Variants in GRID2 observed in about 807,000 individuals in gnomAD.
GRID2 encodes glutamate receptor ionotropic, delta-2.
In GRID2, 33 loss-of-function variants were observed where a neutral mutation model predicts 114.8. The ratio of observed to expected loss-of-function variants is 0.29; its 90% CI spans 0.22 to 0.38. The LOEUF is 0.38. Among genes scored for constraint, GRID2 ranks in the 10% least tolerant of loss-of-function variants. GRID2 has a pLI of 1.00. For missense variants in GRID2, 1,184 were observed against 1,257.7 expected, an observed-to-expected ratio of 0.94 and a Z score of 0.89; for synonymous variants, 505 against 449.9, an observed-to-expected ratio of 1.12 and a Z score of -1.55.
At chr4:92,886,663 TCG>T (rs1468148217) in intron 2 of GRID2, among the ~76,000 whole-genome samples, 1 of 152,186 alleles carries the variant, frequency 6.6e-6, no homozygotes, top group Non-Finnish European at 1.5e-5. Flanking sequence ...TCTCGCTCTT[TCG>T]CCCAGGCTGG....
At chr4:93,595,494 A>G (rs750503680) in intron 13 of GRID2, among the ~76,000 whole-genome samples, 6 of 152,288 alleles carry the variant, frequency 3.9e-5, no homozygotes, top group Non-Finnish European at 8.8e-5. Flanking sequence ...TGGGAATAAT[A>G]CCTACTCATG....
At chr4:92,950,070 A>G (rs1264014245) in intron 2 of GRID2, among the ~76,000 whole-genome samples, 2 of 152,294 alleles carry the variant, frequency 1.3e-5, no homozygotes, top group Admixed American at 6.5e-5. Context: ...GATGTAGCAA[A>G]GTTTGGCTTT....
chr4:92,574,257 C>T (rs901983679), intron 1 of GRID2, among the ~76,000 whole-genome samples: 1 of 151,982 alleles, frequency 6.6e-6, no homozygotes, highest in Non-Finnish European at 1.5e-5. Flanking sequence ...GCTTGCCATT[C>T]TTTGTCTTTT....
chr4:93,155,214 T>G (rs1737068381), intron 4 of GRID2, among the ~76,000 whole-genome samples: 1 of 151,996 alleles, frequency 6.6e-6, no homozygotes. Flanking sequence ...CCAAGTTTTC[T>G]TAATTCTGCT....
At chr4:93,217,618 A>G (rs2149484086) in intron 6 of GRID2, among the ~76,000 whole-genome samples, 1 of 152,040 alleles carries the variant, frequency 6.6e-6, no homozygotes, top group South Asian at 2.1e-4. Flanking sequence ...GTGTTACACA[A>G]AGCAGGCACA....
At chr4:92,644,905 C>T (rs1336184243) in intron 2 of GRID2, among the ~76,000 whole-genome samples, 1 of 151,118 alleles carries the variant, frequency 6.6e-6, no homozygotes, top group Non-Finnish European at 1.5e-5. Context: ...GTAATTATTT[C>T]CCTTTATCTC....
intron 2 of GRID2, among the ~76,000 whole-genome samples, chr4:92,906,486 A>G (rs555096040): frequency 2.9e-5 from 4 of 140,044 alleles, no homozygotes; most frequent in Non-Finnish European, 4.8e-5. Context: ...TCAGGCTTAT[A>G]CTTAAATCTG....
chr4:92,850,930 A>G lies in GRID2; in HGVS notation c.245-234065A>G, dbSNP rs576831308. On this transcript the variant is annotated intron_variant, in intron 2 of 15. Coordinates refer to ENST00000282020, the MANE Select transcript of GRID2 (RefSeq NM_001510.4). ...TAATGGCTTTATTTTAGGCACCAATAGGAAGGCATTAAAATCATTTCATTG... is the reference window on the plus strand; with the variant it reads ...TAATGGCTTTATTTTAGGCACCAATGGGAAGGCATTAAAATCATTTCATTG... 1.4e-3 allele frequency among the ~76,000 whole-genome samples: 209 copies of G among 152,090 alleles called. 1 individual carries two copies. Among genetic ancestry groups the G allele is most frequent in the African/African-American group, 4.7e-3 (196 of 41,566 alleles).
At chr4:92,752,713 T>G (rs1426918495) in intron 2 of GRID2, among the ~76,000 whole-genome samples, 1 of 152,198 alleles carries the variant, frequency 6.6e-6, no homozygotes, top group Non-Finnish European at 1.5e-5. Flanking sequence ...AGGATACTTG[T>G]GATTTGAAAA....
intron 2 of GRID2, among the ~76,000 whole-genome samples, chr4:92,753,684 A>G (rs535409750): frequency 6.4e-4 from 98 of 152,138 alleles, no homozygotes; most frequent in Non-Finnish European, 1.2e-3. Context: ...GATGGCAACT[A>G]AAATGAGTAA....
intron 2 of GRID2, among the ~76,000 whole-genome samples, chr4:92,859,403 C>G (rs956315150): frequency 3.3e-5 from 5 of 152,114 alleles, no homozygotes; most frequent in Admixed American, 3.3e-4. Flanking sequence ...TCATGTAATT[C>G]ACTTTATTGT....
In GRID2 at chr4:92,797,987, C is replaced by T. The variant is rs562125437; in HGVS notation, c.244+207701C>T. ...CTTAAAAATTGTTATTTTAATGGAG[C>T]AGTCAGCCTGCTTCCTTGAATTTAC... On this transcript the variant is annotated intron_variant, in intron 2 of 15. Transcript: ENST00000282020. Among the ~76,000 whole-genome samples, 5 of 152,056 alleles carry T rather than the reference C, an allele frequency of 3.3e-5. No homozygotes were observed. In the East Asian group the frequency reaches 9.8e-4, roughly 30 times the overall value.
chr4:92,863,416 C>T (rs986352554), intron 2 of GRID2, among the ~76,000 whole-genome samples: 1 of 152,062 alleles, frequency 6.6e-6, no homozygotes, highest in Non-Finnish European at 1.5e-5. Context: ...AAATACTTAA[C>T]CTGTTCCCCT....
chr4:92,968,440 G>C (rs1360228814), intron 2 of GRID2, among the ~76,000 whole-genome samples: 11 of 151,754 alleles, frequency 7.2e-5, no homozygotes, highest in Non-Finnish European at 1.3e-4. Flanking sequence ...TCAAAGCCAA[G>C]CTATTAGGCT....
intron 2 of GRID2, among the ~76,000 whole-genome samples, chr4:92,685,359 C>A (rs1733849142): frequency 6.6e-6 from 1 of 151,610 alleles, no homozygotes; most frequent in Non-Finnish European, 1.5e-5. Flanking sequence ...AAAGATGCTA[C>A]AATAAAAAAT....
intron 8 of GRID2, among the ~76,000 whole-genome samples, chr4:93,275,614 T>C (rs1751973231): frequency 6.6e-6 from 1 of 151,850 alleles, no homozygotes; most frequent in South Asian, 2.1e-4. Context: ...ATGTTATTTG[T>C]TATCATTCTT....
chr4:93,215,839 C>T lies in GRID2; in HGVS notation c.790-899C>T, dbSNP rs1306939822. 4.6e-5 allele frequency among the ~76,000 whole-genome samples: 7 copies of T among 151,708 alleles called. 1 individual carries two copies. On this transcript the variant is annotated intron_variant, in intron 5 of 15. Coordinates refer to ENST00000282020, the MANE Select transcript of GRID2 (RefSeq NM_001510.4). ...AAACCTCAGAAATGCTCACTGCAAC[C>T]CAAAACTTATTTTGTTTCCCATCTT...
chr4:93,357,253 C>A (rs2149269344), intron 8 of GRID2, among the ~76,000 whole-genome samples: 1 of 151,582 alleles, frequency 6.6e-6, no homozygotes, highest in South Asian at 2.1e-4. Flanking sequence ...AAAGTATGTA[C>A]ATTTCTTTGA....
chr4:93,591,859 A>G (rs1438348511), intron 13 of GRID2, among the ~76,000 whole-genome samples: 1 of 152,126 alleles, frequency 6.6e-6, no homozygotes, highest in African/African-American at 2.4e-5. Context: ...TGTTTATAGT[A>G]TTCTCTGATG....
Sources: gnomAD v4.1 joint callset for allele counts (sites outside exome capture counted in the v4.1 genomes callset) on GRCh38, gnomAD v4.1.1 for gene constraint, MANE v1.5 for transcripts, NCBI Gene and HGNC (gene_info 2026-07-23, HGNC 2026-07-21) for gene names.